Variants in NEDD1 observed in about 807,000 individuals in gnomAD.
NEDD1 encodes the protein protein NEDD1.
A neutral mutation model predicts 74.0 loss-of-function variants in NEDD1; 33 were observed. The ratio of observed to expected loss-of-function variants is 0.45; its 90% CI spans 0.34 to 0.60. The LOEUF (loss-of-function observed/expected upper bound fraction) is 0.60. NEDD1 is among the 20% of genes least tolerant of loss of function. NEDD1 has a pLI of 0.01. For synonymous variants in NEDD1, 250 were observed against 264.4 expected, an observed-to-expected ratio of 0.95 and a Z score of 0.53; for missense variants, 746 against 776.5, an observed-to-expected ratio of 0.96 and a Z score of 0.47.
chr12:96,938,750 G>T (rs1010007788), intron 9 of NEDD1, among the ~76,000 whole-genome samples: 3 of 151,934 alleles, frequency 2.0e-5, no homozygotes, highest in Non-Finnish European at 2.9e-5. Context: ...TTACCCTTTG[G>T]CAGATGCACT....
chr12:96,926,319 G>GT (rs1235905719), intron 6 of NEDD1, among the ~76,000 whole-genome samples: 2 of 151,996 alleles, frequency 1.3e-5, no homozygotes, highest in Non-Finnish European at 2.9e-5. Context: ...GAGTCTGTTG[G>GT]TTTTTTTCCC....
At chr12:96,912,460 C>CA in intron 3 of NEDD1, 1 of 266,120 alleles carries the variant, frequency 3.8e-6, no homozygotes, top group Admixed American at 5.3e-5. Context: ...TCTTTGAAAA[C>CA]AGAGTAGTAT....
At chr12:96,940,327 A>G (rs1435024349) in intron 9 of NEDD1, 82 bp from the exon 10 acceptor site, 2 of 738,240 alleles carry the variant, frequency 2.7e-6, no homozygotes, top group Admixed American at 5.2e-5. Context: ...AATATGAGTG[A>G]TACATTAATT....
intron 14 of NEDD1, among the ~76,000 whole-genome samples, chr12:96,951,228 T>C (rs1878676175): frequency 6.6e-6 from 1 of 151,870 alleles, no homozygotes; most frequent in Non-Finnish European, 1.5e-5. Context: ...TGTGAAGATA[T>C]TTTAAACGAG....
intron 10 of NEDD1, among the ~76,000 whole-genome samples, chr12:96,941,386 A>G (rs1038131646): frequency 6.6e-6 from 1 of 152,130 alleles, no homozygotes; most frequent in African/African-American, 2.4e-5. Context: ...GAATAAATAC[A>G]TACGTGGTGG....
intron 12 of NEDD1, 137 bp downstream of exon 12, chr12:96,943,899 A>G (rs1685964082): frequency 1.0e-5 from 6 of 599,182 alleles, no homozygotes; most frequent in Non-Finnish European, 1.8e-5. Flanking sequence ...TTTAATAACT[A>G]CAGAATACTT....
intron 10 of NEDD1, 98 bp downstream of exon 10, chr12:96,940,635 G>C: frequency 1.3e-6 from 1 of 764,924 alleles, no homozygotes; most frequent in East Asian, 2.9e-5. Context: ...CTCTATTCAC[G>C]GATCAGTTTG....
intron 14 of NEDD1, among the ~76,000 whole-genome samples, chr12:96,947,857 T>C (rs1878348137): frequency 6.6e-6 from 1 of 152,130 alleles, no homozygotes; most frequent in Non-Finnish European, 1.5e-5. Flanking sequence ...TGCCTCTTGG[T>C]TTTGCTGCCC....
At chr12:96,938,266 A>G (rs1416865118) in intron 9 of NEDD1, among the ~76,000 whole-genome samples, 1 of 152,034 alleles carries the variant, frequency 6.6e-6, no homozygotes, top group Non-Finnish European at 1.5e-5. Flanking sequence ...ATCCTTATAT[A>G]AGAGCCATTA....
At chr12:96,932,528 T>TTA (rs1214443028) in intron 6 of NEDD1, among the ~76,000 whole-genome samples, 6 of 105,674 alleles carry the variant, frequency 5.7e-5, no homozygotes, top group Admixed American at 1.2e-4. Flanking sequence ...TATATATAAA[T>TTA]TATATATATA....
intron 7 of NEDD1, among the ~76,000 whole-genome samples, chr12:96,935,992 C>T (rs1877048364): frequency 6.6e-6 from 1 of 152,102 alleles, no homozygotes; most frequent in Non-Finnish European, 1.5e-5. Flanking sequence ...TTGCTGTCTT[C>T]TTTTATGGAA....
intron 10 of NEDD1, 119 bp from the exon 11 acceptor site, chr12:96,942,458 T>C: frequency 1.5e-6 from 1 of 660,534 alleles, no homozygotes; most frequent in Non-Finnish European, 2.7e-6. Flanking sequence ...TTAACATCAC[T>C]CATATTTAGC....
chr12:96,952,233 T>C lies in NEDD1; in HGVS notation c.*180T>C, dbSNP rs112358985. 2 of 460,680 alleles carry C rather than the reference T, an allele frequency of 4.3e-6. No homozygotes were observed. The highest frequency in any genetic ancestry group is 7.6e-6 in the Non-Finnish European group (2 of 263,022). 28.5% of individuals were successfully genotyped at this position (460,680 alleles called of 1,614,324 possible). Reference sequence around the variant, plus strand: ...TCTTAAAAATATGTATATTTTTATATTAAAAATTGTACAGTATGTCATCTA... The same window carrying C: ...TCTTAAAAATATGTATATTTTTATACTAAAAATTGTACAGTATGTCATCTA... On this transcript the variant is annotated 3_prime_UTR_variant, in exon 16 of 16. Transcript: ENST00000266742.
Position 96,936,579 on chromosome 12 carries a change from T to C in NEDD1, c.720-32T>C, listed in dbSNP as rs1331017994. ...GCTAATATACCTGTACACACTAACA[T>C]TTCTACACATACTTTGTTCTCCTTT... is the stretch of plus-strand genomic sequence containing the variant. On this transcript the variant is annotated intron_variant, in intron 7 of 15. Coordinates refer to ENST00000266742, the MANE Select transcript of NEDD1 (RefSeq NM_152905.4). 3 of 1,500,942 alleles carry C rather than the reference T, an allele frequency of 2.0e-6. No individual in the cohort carries two copies. In the Admixed American group the frequency reaches 5.0e-5, roughly 25 times the overall value. The allele number at this position is 1,500,942 out of a possible 1,614,324, so 93.0% of individuals were successfully genotyped here. A position where few individuals can be genotyped will look rare whatever the true frequency, so the allele number is the denominator to read the frequency against.
intron 3 of NEDD1, among the ~76,000 whole-genome samples, chr12:96,910,451 C>T (rs1470229661): frequency 1.3e-5 from 2 of 152,052 alleles, no homozygotes; most frequent in East Asian, 3.8e-4. Flanking sequence ...GTAAAGTTAC[C>T]TAGATTGAAC....
chr12:96,938,337 T>C (rs541625622), intron 9 of NEDD1, among the ~76,000 whole-genome samples: 68 of 152,204 alleles, frequency 4.5e-4, no homozygotes, highest in Non-Finnish European at 6.5e-4. Context: ...ACAACTGATA[T>C]CTACTTAAGG....
chr12:96,929,991 T>G (rs1876204587), intron 6 of NEDD1, among the ~76,000 whole-genome samples: 1 of 152,132 alleles, frequency 6.6e-6, no homozygotes, highest in Admixed American at 6.5e-5. Context: ...TTCCTTCTAC[T>G]TCCTTCTGCA....
chr12:96,937,754 C>G (rs1877275808), intron 9 of NEDD1, among the ~76,000 whole-genome samples: 1 of 151,916 alleles, frequency 6.6e-6, no homozygotes. Flanking sequence ...TTGACACTGT[C>G]TTATGATTTG....
intron 3 of NEDD1, among the ~76,000 whole-genome samples, chr12:96,910,529 A>G (rs1207085555): frequency 6.6e-6 from 1 of 152,198 alleles, no homozygotes; most frequent in Non-Finnish European, 1.5e-5. Flanking sequence ...ATGTGGATAA[A>G]ATAAAATGAG....
Sources: allele counts gnomAD v4.1 joint callset (sites outside exome capture counted in the v4.1 genomes callset), GRCh38; gene constraint gnomAD v4.1.1; transcripts MANE v1.5; gene names NCBI Gene and HGNC (gene_info 2026-07-23, HGNC 2026-07-21).